Variants in GPATCH2 observed in about 807,000 individuals in gnomAD.
GPATCH2 encodes the protein G-patch domain containing 2, also known as G patch domain-containing protein 2.
GPATCH2 carries 51 observed loss-of-function variants against 58.0 expected under a neutral mutation model. The ratio of observed to expected loss-of-function variants is 0.88; its 90% CI spans 0.70 to 1.11. GPATCH2 has a LOEUF of 1.11. Ranked by LOEUF, GPATCH2 falls within the 50% of genes most tolerant of loss-of-function variation. The pLI, the probability that GPATCH2 is intolerant of heterozygous loss-of-function variation, is 0.00. For synonymous variants in GPATCH2, 222 were observed against 218.5 expected, an observed-to-expected ratio of 1.02 and a Z score of -0.14; for missense variants, 625 against 652.2, an observed-to-expected ratio of 0.96 and a Z score of 0.45.
intron 5 of GPATCH2, among the ~76,000 whole-genome samples, chr1:217,559,307 A>G (rs953521640): frequency 1.1e-4 from 16 of 152,118 alleles, no homozygotes; most frequent in African/African-American, 3.9e-4. Flanking sequence ...ATTCTAAAGC[A>G]TAAACATATC....
intron 2 of GPATCH2, among the ~76,000 whole-genome samples, chr1:217,615,768 T>G (rs1025809396): frequency 6.6e-6 from 1 of 152,154 alleles, no homozygotes; most frequent in Non-Finnish European, 1.5e-5. Context: ...TGAATGAATA[T>G]CCACATTAAG....
intron 9 of GPATCH2, among the ~76,000 whole-genome samples, chr1:217,436,754 C>A (rs112028692): frequency 3.3e-5 from 5 of 152,056 alleles, no homozygotes; most frequent in Admixed American, 3.3e-4. Context: ...TTATTGGCCC[C>A]ATTTTGTAGA....
At chr1:217,468,841 TTATC>T (rs1340003232) in intron 8 of GPATCH2, among the ~76,000 whole-genome samples, 1 of 152,076 alleles carries the variant, frequency 6.6e-6, no homozygotes, top group Non-Finnish European at 1.5e-5. Context: ...ACGTTGATAA[TTATC>T]TAAGCCAGTT....
At chr1:217,558,886 T>C (rs1010488736) in intron 5 of GPATCH2, among the ~76,000 whole-genome samples, 1 of 152,202 alleles carries the variant, frequency 6.6e-6, no homozygotes, top group African/African-American at 2.4e-5. Flanking sequence ...CTACTACTCC[T>C]TTTTGCTTCT....
chr1:217,462,338 G>A (rs142908501), intron 8 of GPATCH2, among the ~76,000 whole-genome samples: 1 of 152,032 alleles, frequency 6.6e-6, no homozygotes, highest in Non-Finnish European at 1.5e-5. Context: ...ATTCAACAAC[G>A]ATCAGGTTAG....
At chr1:217,494,488 C>A (rs190770652) in intron 7 of GPATCH2, among the ~76,000 whole-genome samples, 19 of 152,332 alleles carry the variant, frequency 1.2e-4, no homozygotes, top group African/African-American at 4.3e-4. Flanking sequence ...CCTGTAATCC[C>A]AGCACTTTGG....
At chr1:217,542,400 T>C (rs1664792724) in intron 5 of GPATCH2, among the ~76,000 whole-genome samples, 1 of 152,204 alleles carries the variant, frequency 6.6e-6, no homozygotes, top group Non-Finnish European at 1.5e-5. Flanking sequence ...GATGTGGATA[T>C]TCCCTAGTGA....
intron 5 of GPATCH2, among the ~76,000 whole-genome samples, chr1:217,557,572 T>A (rs775473810): frequency 6.6e-6 from 1 of 152,198 alleles, no homozygotes; most frequent in Non-Finnish European, 1.5e-5. Flanking sequence ...ATTTCTGTAT[T>A]AAACCCACTT....
chr1:217,580,844 TA>T (rs1667043591), intron 5 of GPATCH2, among the ~76,000 whole-genome samples: 1 of 51,448 alleles, frequency 1.9e-5, no homozygotes, highest in African/African-American at 6.0e-5. Context: ...CCGTCTCTAC[TA>T]AAAATACAAA....
In GPATCH2 at chr1:217,582,821, T is replaced by G. The variant is rs138387550; in HGVS notation, c.1098+27500A>C. Among the ~76,000 whole-genome samples the G allele has an allele frequency of 9.3e-4, 142 of 152,340 alleles. 1 individual carries two copies. The highest frequency in any genetic ancestry group is 3.2e-3 in the African/African-American group (134 of 41,594). On this transcript the variant is annotated intron_variant, in intron 5 of 9. Coordinates refer to ENST00000366935, the MANE Select transcript of GPATCH2 (RefSeq NM_018040.5). ...TGATTTCTTATATATCAGTGCCTTATGCCTATTTAACATTTGACAATAAAA... is the reference window on the plus strand; with the variant it reads ...TGATTTCTTATATATCAGTGCCTTAGGCCTATTTAACATTTGACAATAAAA...
chr1:217,576,044 T>C (rs1052407008), intron 5 of GPATCH2, among the ~76,000 whole-genome samples: 1 of 152,094 alleles, frequency 6.6e-6, no homozygotes, highest in African/African-American at 2.4e-5. Flanking sequence ...AGAAAATGAA[T>C]GTACAAAAGG....
intron 5 of GPATCH2, among the ~76,000 whole-genome samples, chr1:217,542,597 G>C (rs12118683): frequency 0.22 from 34,080 of 152,034 alleles, 4,212 homozygotes; most frequent in East Asian, 0.36. Flanking sequence ...CCAACAGATG[G>C]AAGGCGCCAG....
At chr1:217,623,078 C>T (rs1669277076) in intron 1 of GPATCH2, among the ~76,000 whole-genome samples, 1 of 152,022 alleles carries the variant, frequency 6.6e-6, no homozygotes, top group South Asian at 2.1e-4. Flanking sequence ...GACCTATTGT[C>T]TCTGAATATA....
chr1:217,503,601 T>A (rs923704301), intron 6 of GPATCH2, among the ~76,000 whole-genome samples: 1 of 152,030 alleles, frequency 6.6e-6, no homozygotes, highest in African/African-American at 2.4e-5. Context: ...TAAATAGCAG[T>A]CTTAATGAGC....
At chr1:217,611,567 A>G (rs1463319561) in intron 3 of GPATCH2, among the ~76,000 whole-genome samples, 13 of 152,174 alleles carry the variant, frequency 8.5e-5, no homozygotes, top group Non-Finnish European at 1.8e-4. Context: ...GAAAAAACAA[A>G]CCTTAATCTG....
At chr1:217,518,943 G>A (rs984056289) in intron 5 of GPATCH2, among the ~76,000 whole-genome samples, 2 of 152,236 alleles carry the variant, frequency 1.3e-5, no homozygotes, top group African/African-American at 2.4e-5. Flanking sequence ...GCTGTCGGGA[G>A]GCACTGCCTC....
chr1:217,434,131 T>C lies in GPATCH2; in HGVS notation c.1367-2766A>G, dbSNP rs185865433. ...GCTCATGGAAACAAGTACCTTACCA[T>C]GTAACAGAAAGAACCTTCAACTACT... On this transcript the variant is annotated intron_variant, in intron 9 of 9. Transcript: ENST00000366935. Among the ~76,000 whole-genome samples the C allele has an allele frequency of 1.7e-3, 261 of 152,328 alleles. 1 individual carries two copies. The highest frequency in any genetic ancestry group is 5.9e-3 in the African/African-American group (247 of 41,578).
chr1:217,580,499 A>G (rs1377141953), intron 5 of GPATCH2, among the ~76,000 whole-genome samples: 1 of 152,252 alleles, frequency 6.6e-6, no homozygotes, highest in Admixed American at 6.5e-5. Context: ...ATATATGATT[A>G]TGGTGAAAAT....
chr1:217,562,241 A>G (rs543739223), intron 5 of GPATCH2, among the ~76,000 whole-genome samples: 74 of 152,346 alleles, frequency 4.9e-4, no homozygotes, highest in South Asian at 1.2e-3. Context: ...CTTCATAAAC[A>G]GGTGTAAACA....
Sources: allele counts gnomAD v4.1 joint callset (sites outside exome capture counted in the v4.1 genomes callset), GRCh38; gene constraint gnomAD v4.1.1; transcripts MANE v1.5; gene names NCBI Gene and HGNC (gene_info 2026-07-23, HGNC 2026-07-21).